The following CEP128 variants were observed in gnomAD, a reference collection of about 807,000 sequenced individuals.
CEP128 encodes centrosomal protein 128.
A neutral mutation model predicts 156.7 loss-of-function variants in CEP128; 132 were observed. The ratio of observed to expected loss-of-function variants is 0.84; its 90% confidence interval spans 0.73 to 0.97. The LOEUF (loss-of-function observed/expected upper bound fraction) is 0.97. Ranked by LOEUF, CEP128 falls within the 50% of genes least tolerant of loss-of-function variation. The pLI is 0.00. For synonymous variants in CEP128, 469 were observed against 448.9 expected, an observed-to-expected ratio of 1.04 and a Z score of -0.57; for missense variants, 1,252 against 1,281.9, an observed-to-expected ratio of 0.98 and a Z score of 0.36.
At chr14:80,700,060 C>CTA (rs1555392680) in intron 19 of CEP128, among the ~76,000 whole-genome samples, 4 of 151,766 alleles carry the variant, frequency 2.6e-5, no homozygotes, top group African/African-American at 9.7e-5. Flanking sequence ...CTAAGTCCTC[C>CTA]CACAGATTCT....
chr14:80,602,110 A>C (rs1892604366), intron 19 of CEP128, among the ~76,000 whole-genome samples: 1 of 152,202 alleles, frequency 6.6e-6, no homozygotes, highest in East Asian at 1.9e-4. Flanking sequence ...AAGGACATAA[A>C]ATAATAAAAG....
intron 23 of CEP128, among the ~76,000 whole-genome samples, chr14:80,508,919 A>T (rs964642867): frequency 2.0e-5 from 3 of 152,182 alleles, no homozygotes; most frequent in South Asian, 2.1e-4. Context: ...TATGAAGAAA[A>T]AGGGTTTAAT....
chr14:80,859,718 C>A (rs1040377600), intron 9 of CEP128, among the ~76,000 whole-genome samples: 9 of 152,012 alleles, frequency 5.9e-5, no homozygotes, highest in Non-Finnish European at 1.0e-4. Context: ...TTCTTTAAAA[C>A]CCCTACAGAA....
Position 80,781,865 on chromosome 14 carries a change from T to C in CEP128, c.2211+3030A>G, listed in dbSNP as rs191829091. ...GGCCTTACAGAGATGATCTTGAACATGCTCTAACTGAAAAAATTATTACTA... is the reference window on the plus strand; with the variant it reads ...GGCCTTACAGAGATGATCTTGAACACGCTCTAACTGAAAAAATTATTACTA... On this transcript the variant is annotated intron_variant, in intron 15 of 24. Transcript: ENST00000555265. 1.7e-3 allele frequency among the ~76,000 whole-genome samples: 256 copies of C among 152,314 alleles called. 1 individual carries two copies. The highest frequency in any genetic ancestry group is 5.9e-3 in the African/African-American group (247 of 41,570).
chr14:80,847,294 G>A (rs2021815), intron 9 of CEP128, among the ~76,000 whole-genome samples: 18,288 of 152,048 alleles, frequency 0.12, 1,579 homozygotes, highest in East Asian at 0.45. Flanking sequence ...GTGTTCAAAC[G>A]CCTTTGAAAA....
intron 19 of CEP128, among the ~76,000 whole-genome samples, chr14:80,726,716 GCA>G (rs1425611282): frequency 6.6e-6 from 1 of 152,218 alleles, no homozygotes; most frequent in East Asian, 1.9e-4. Flanking sequence ...AGCCAAATGT[GCA>G]TTATATAGTC....
At chr14:80,855,916 C>T (rs1462064541) in intron 9 of CEP128, among the ~76,000 whole-genome samples, 1 of 152,138 alleles carries the variant, frequency 6.6e-6, no homozygotes, top group Non-Finnish European at 1.5e-5. Context: ...AAACTAAATA[C>T]ATTAATAAAG....
intron 2 of CEP128, chr14:80,955,683 G>T: frequency 6.2e-7 from 1 of 1,613,986 alleles, no homozygotes; most frequent in South Asian, 1.1e-5. Context: ...CGTGGAAAAT[G>T]AGGCCGGCGG....
At chr14:80,868,585 A>G (rs577155474) in intron 8 of CEP128, among the ~76,000 whole-genome samples, 3 of 152,122 alleles carry the variant, frequency 2.0e-5, no homozygotes, top group Admixed American at 6.5e-5. Context: ...AAAAAAATAA[A>G]TGAAGAAACT....
chr14:80,728,523 GA>G (rs368326191), intron 19 of CEP128, among the ~76,000 whole-genome samples: 3,846 of 145,946 alleles, frequency 0.026, 85 homozygotes, highest in African/African-American at 0.054. Context: ...AGTTGAAAAA[GA>G]AAAAAAAAAG....
At chr14:80,724,315 GAC>G (rs1897931726) in intron 19 of CEP128, among the ~76,000 whole-genome samples, 1 of 152,138 alleles carries the variant, frequency 6.6e-6, no homozygotes, top group Non-Finnish European at 1.5e-5. Flanking sequence ...TGGAATAAAA[GAC>G]ACTTAAGACG....
At chr14:80,944,175 A>G (rs1478294558), upstream of CEP128, among the ~76,000 whole-genome samples, 3 of 152,172 alleles carry the variant, frequency 2.0e-5, no homozygotes, top group Admixed American at 6.5e-5. Context: ...GCCAACACAC[A>G]TTATACAAAC....
Position 80,572,975 on chromosome 14 carries a change from T to C in CEP128, c.2856+7399A>G, listed in dbSNP as rs141879959. Among the ~76,000 whole-genome samples, 417 of 152,266 alleles carry C rather than the reference T, an allele frequency of 2.7e-3. 2 individuals carry two copies. Among genetic ancestry groups the C allele is most frequent in the African/African-American group, 9.1e-3 (378 of 41,554 alleles). On this transcript the variant is annotated intron_variant, in intron 20 of 24. Transcript: ENST00000555265. ...TCTTGCTCTGTTGGCCAGGCTAGAG[T>C]GCAATGGCGCGATCTCGGCTCACCG...
chr14:80,619,268 G>T (rs187190193), intron 19 of CEP128, among the ~76,000 whole-genome samples: 1 of 151,946 alleles, frequency 6.6e-6, no homozygotes, highest in Non-Finnish European at 1.5e-5. Context: ...ATGAGCAAGA[G>T]TCTACAAAAA....
chr14:80,768,740 G>A (rs1327530328), intron 16 of CEP128, among the ~76,000 whole-genome samples: 3 of 152,096 alleles, frequency 2.0e-5, no homozygotes, highest in Non-Finnish European at 2.9e-5. Flanking sequence ...ACAAAAGTTT[G>A]TTTCCATAAA....
intron 8 of CEP128, among the ~76,000 whole-genome samples, chr14:80,891,468 T>C (rs1419113894): frequency 2.0e-5 from 3 of 149,648 alleles, no homozygotes; most frequent in Non-Finnish European, 4.4e-5. Flanking sequence ...AGAAAAACAA[T>C]ACATGTAGGA....
chr14:80,771,381 T>C (rs1900502797), intron 16 of CEP128, among the ~76,000 whole-genome samples: 1 of 152,182 alleles, frequency 6.6e-6, no homozygotes, highest in South Asian at 2.1e-4. Context: ...CTATATTCTC[T>C]CAACTTCAGT....
intron 19 of CEP128, among the ~76,000 whole-genome samples, chr14:80,686,770 T>A (rs575072856): frequency 2.4e-4 from 37 of 152,176 alleles, no homozygotes; most frequent in Middle Eastern, 3.4e-3. Flanking sequence ...AAGCAAATGT[T>A]GCAATCCTAG....
intron 1 of CEP128, among the ~76,000 whole-genome samples, chr14:80,940,538 G>C (rs968151556): frequency 2.6e-5 from 4 of 151,654 alleles, no homozygotes; most frequent in African/African-American, 9.7e-5. Context: ...GTACAGCCAG[G>C]CATGGTGGCG....
Sources: allele counts gnomAD v4.1 joint callset (sites outside exome capture counted in the v4.1 genomes callset), GRCh38; gene constraint gnomAD v4.1.1; transcripts MANE v1.5; gene names NCBI Gene and HGNC (gene_info 2026-07-23, HGNC 2026-07-21).